Variants in ATP11C observed in about 807,000 individuals in gnomAD.
ATP11C encodes ATPase phospholipid transporting 11C (ATP11C blood group).
ATP11C carries 36 observed loss-of-function variants against 97.4 expected under a neutral mutation model. The observed-to-expected ratio is 0.37, with a 90% CI of 0.28 to 0.49. The LOEUF is 0.49. Ranked by LOEUF, ATP11C falls within the 20% of genes least tolerant of loss-of-function variation. The probability of loss-of-function intolerance (pLI) is 0.98; values close to 1 mark genes in which losing one functional copy is unlikely to be tolerated. For synonymous variants in ATP11C, 275 were observed against 290.9 expected, an observed-to-expected ratio of 0.95 and a Z score of 0.56; for missense variants, 730 against 824.6, an observed-to-expected ratio of 0.89 and a Z score of 1.40.
chrX:139,830,430 G>T (rs912693117), intron 1 of ATP11C, among the ~76,000 whole-genome samples: 1 of 111,665 alleles, frequency 9.0e-6, no homozygotes, highest in Non-Finnish European at 1.9e-5. Flanking sequence ...ATAACCCTCA[G>T]TGTTCCGTCC....
At chrX:139,870,572 CAAATT>C (rs1166455467) in intron 1 of ATP11C, among the ~76,000 whole-genome samples, 1 of 111,836 alleles carries the variant, frequency 8.9e-6, no homozygotes, top group East Asian at 2.8e-4. Context: ...GTAAAACAAA[CAAATT>C]AAATAATCCA....
intron 12 of ATP11C, among the ~76,000 whole-genome samples, chrX:139,791,676 C>T (rs913917304): frequency 9.0e-6 from 1 of 110,664 alleles, no homozygotes; most frequent in Non-Finnish European, 1.9e-5. Context: ...TTTACAGAAC[C>T]ACCGCCCTAA....
At chrX:139,916,258 T>C (rs1232229523) in intron 1 of ATP11C, among the ~76,000 whole-genome samples, 1 of 108,461 alleles carries the variant, frequency 9.2e-6, no homozygotes, top group Non-Finnish European at 1.9e-5. Context: ...TGGACATCAC[T>C]TAGTCTTTGA....
intron 1 of ATP11C, among the ~76,000 whole-genome samples, chrX:139,872,347 A>C (rs2084392739): frequency 9.0e-6 from 1 of 111,405 alleles, no homozygotes; most frequent in African/African-American, 3.3e-5. Flanking sequence ...ATACCTGTGT[A>C]ACCACACAAA....
chrX:139,758,917 A>C (rs1420310251), intron 22 of ATP11C, among the ~76,000 whole-genome samples: 1 of 112,035 alleles, frequency 8.9e-6, no homozygotes, highest in Non-Finnish European at 1.9e-5. Context: ...ACCACAGCTG[A>C]GGATATTTCG....
intron 12 of ATP11C, 68 bp from the exon 13 acceptor site, chrX:139,789,556 G>A (rs375258319): frequency 7.8e-6 from 7 of 901,271 alleles, no homozygotes; most frequent in Admixed American, 6.1e-5. Flanking sequence ...TTGCTGTAAC[G>A]CAAAGCTATT....
At chrX:139,815,104 C>T (rs1368851438) in intron 4 of ATP11C, 119 bp from the exon 5 acceptor site, 8 of 402,176 alleles carry the variant, frequency 2.0e-5, no homozygotes, top group Non-Finnish European at 4.2e-6. Context: ...TTAATTTAAA[C>T]TCAGAATGCT....
chrX:139,804,041 T>G (rs2082989921), intron 6 of ATP11C, among the ~76,000 whole-genome samples: 1 of 110,923 alleles, frequency 9.0e-6, no homozygotes, highest in African/African-American at 3.3e-5. Flanking sequence ...TACTCCAGGT[T>G]GGGTTTCCTA....
At chrX:139,840,020 T>A (rs2083804475) in intron 1 of ATP11C, among the ~76,000 whole-genome samples, 1 of 111,478 alleles carries the variant, frequency 9.0e-6, no homozygotes, top group Non-Finnish European at 1.9e-5. Flanking sequence ...CTGGTGACAA[T>A]CAAAATGAAG....
intron 1 of ATP11C, among the ~76,000 whole-genome samples, chrX:139,831,825 T>A (rs758956167): frequency 9.0e-6 from 1 of 111,683 alleles, no homozygotes; most frequent in South Asian, 3.8e-4. Context: ...ATTAACAGAA[T>A]CTTTCCTAAC....
chrX:139,914,708 T>C (rs1421673227), intron 1 of ATP11C, among the ~76,000 whole-genome samples: 1 of 111,652 alleles, frequency 9.0e-6, no homozygotes, highest in Non-Finnish European at 1.9e-5. Context: ...TGCATTTTCC[T>C]GCCTTCAGAA....
At chrX:139,867,124 C>A (rs1429608426) in intron 1 of ATP11C, among the ~76,000 whole-genome samples, 2 of 111,553 alleles carry the variant, frequency 1.8e-5, no homozygotes, top group African/African-American at 6.5e-5. Context: ...TCAGAGGCAG[C>A]TGAATTTGTT....
chrX:139,845,199 C>T lies in ATP11C; in HGVS notation c.28-18376G>A, dbSNP rs777881412. ...TAGCCTCCAGTCAGCTCAAAACAGG[C>T]TTCCAGCTAGTGCCCTAGCACTAGC... is the stretch of plus-strand genomic sequence containing the variant. On this transcript the variant is annotated intron_variant, in intron 1 of 29. Transcript: ENST00000682941. Among the ~76,000 whole-genome samples the T allele has an allele frequency of 5.4e-5, 6 of 111,236 alleles. No individual in the cohort carries two copies. In the South Asian group the frequency reaches 2.3e-3, roughly 43 times the overall value.
chrX:139,795,226 T>C (rs758373949), intron 12 of ATP11C, among the ~76,000 whole-genome samples: 1 of 112,047 alleles, frequency 8.9e-6, no homozygotes, highest in African/African-American at 3.2e-5. Flanking sequence ...TGGTTTCAGA[T>C]ACTGGTGTCC....
At chrX:139,853,420 CAGAGGA>C (rs1423880212) in intron 1 of ATP11C, among the ~76,000 whole-genome samples, 13 of 95,085 alleles carry the variant, frequency 1.4e-4, no homozygotes, top group African/African-American at 6.8e-4. Flanking sequence ...GAGGAAGAGA[CAGAGGA>C]AGAGACAGAG....
Position 139,931,998 on chromosome X carries a change from C to A in ATP11C, c.27+18G>T, listed in dbSNP as rs767380095. On this transcript the variant is annotated intron_variant, in intron 1 of 29. Coordinates refer to ENST00000682941, the MANE Select transcript of ATP11C (RefSeq NM_001353812.2). ...GCAAGCAAACCGGCACGCGCGGAGC[C>A]GCAGCGAGTGTACTTACAAAACGAT... is the stretch of plus-strand genomic sequence containing the variant. 8.6e-7 allele frequency: 1 copy of A among 1,160,260 alleles called. No individual in the cohort carries two copies. Among genetic ancestry groups the A allele is most frequent in the African/African-American group, 1.8e-5 (1 of 56,354 alleles).
In ATP11C at chrX:139,728,186, G is replaced by A. The variant is rs1488668516; in HGVS notation, c.*780C>T. The A allele has an allele frequency of 3.6e-5, 4 of 111,605 alleles. No individual in the cohort carries two copies. The highest frequency in any genetic ancestry group is 7.6e-5 in the Non-Finnish European group (4 of 52,949). 9.2% of individuals were successfully genotyped at this position (111,605 alleles called of 1,213,427 possible). A position where few individuals can be genotyped will look rare whatever the true frequency, so the allele number is the denominator to read the frequency against. The stretch of plus-strand genomic sequence containing the variant: ...GTTTATTTTCTAACTACTTTGAGGG[G>A]CTACTAAGTGATTGGAAATGTTTTA... On this transcript the variant is annotated 3_prime_UTR_variant, in exon 30 of 30. Transcript: ENST00000682941.
chrX:139,875,550 T>C (rs1183827313), intron 1 of ATP11C, among the ~76,000 whole-genome samples: 3 of 110,805 alleles, frequency 2.7e-5, no homozygotes, highest in Admixed American at 1.9e-4. Flanking sequence ...TGAGCTGTGT[T>C]TGTGCCACTG....
chrX:139,880,994 G>A (rs966992293), intron 1 of ATP11C, among the ~76,000 whole-genome samples: 11 of 111,675 alleles, frequency 9.9e-5, no homozygotes, highest in African/African-American at 3.6e-4. Context: ...GGGTTGCTAT[G>A]GCCCATAATT....
Sources: allele counts gnomAD v4.1 joint callset (sites outside exome capture counted in the v4.1 genomes callset), GRCh38; gene constraint gnomAD v4.1.1; transcripts MANE v1.5; gene names NCBI Gene and HGNC (gene_info 2026-07-23, HGNC 2026-07-21).